PPIL3: variants seen among roughly 807,000 people sequenced by gnomAD.
PPIL3 encodes the protein peptidyl-prolyl cis-trans isomerase-like 3.
A neutral mutation model predicts 20.9 loss-of-function variants in PPIL3; 13 were observed. That is an observed-to-expected ratio of 0.62 (90% CI 0.40 to 0.99). The LOEUF (loss-of-function observed/expected upper bound fraction) is 0.99. PPIL3 is among the 50% of genes least tolerant of loss of function. The probability of loss-of-function intolerance (pLI) is 0.00; values close to 1 mark genes in which losing one functional copy is unlikely to be tolerated. For synonymous variants in PPIL3, 71 were observed against 64.4 expected, an observed-to-expected ratio of 1.10 and a Z score of -0.49; for missense variants, 170 against 195.2, an observed-to-expected ratio of 0.87 and a Z score of 0.77.
At chr2:200,884,328 G>C (rs930080409) in intron 3 of PPIL3, among the ~76,000 whole-genome samples, 2 of 152,110 alleles carry the variant, frequency 1.3e-5, no homozygotes, top group African/African-American at 4.8e-5. Flanking sequence ...CTTGGACCTG[G>C]GTGGCGGAGG....
At chr2:200,888,793 T>TGGGAGGCCGCCGTGCA (rs2040078105) in intron 1 of PPIL3, among the ~76,000 whole-genome samples, 163 bp downstream of exon 1, 2 of 152,202 alleles carry the variant, frequency 1.3e-5, no homozygotes, top group African/African-American at 4.8e-5. Context: ...CCCGAAGTGC[T>TGGGAGGCCGCCGTGCA]GGGAGGCCGC....
At chr2:200,876,691 A>T (rs923380295) in intron 6 of PPIL3, among the ~76,000 whole-genome samples, 1 of 151,852 alleles carries the variant, frequency 6.6e-6, no homozygotes, top group African/African-American at 2.4e-5. Context: ...CTAATTTTTT[A>T]AAATATTTTT....
At position 200,886,706 on chromosome 2, in the gene PPIL3, G is replaced by A. The variant is rs10931927; in HGVS notation, c.3+907C>T. The stretch of plus-strand genomic sequence containing the variant: ...CTCCCAAAGTGCCGAGATTACAGGC[G>A]TGAGCCACCGCGCCTGGCCTAGCAG... On this transcript the variant is annotated intron_variant, in intron 2 of 6. Transcript: ENST00000392283. Among the ~76,000 whole-genome samples, 3,049 of 152,296 alleles carry A rather than the reference G, an allele frequency of 0.02. 254 individuals carry two copies. The East Asian group carries it at 0.25, about 13-fold the overall frequency.
intron 6 of PPIL3, among the ~76,000 whole-genome samples, chr2:200,876,565 T>A (rs897165414): frequency 1.3e-5 from 2 of 151,038 alleles, no homozygotes; most frequent in Non-Finnish European, 3.0e-5. Flanking sequence ...TCGCCCAGGC[T>A]GGAGTGCAAT....
intron 6 of PPIL3, among the ~76,000 whole-genome samples, chr2:200,874,921 G>A (rs1165376070): frequency 1.3e-5 from 2 of 152,080 alleles, no homozygotes. Flanking sequence ...TAGAGACGGG[G>A]TTTCACTATG....
intron 1 of PPIL3, chr2:200,888,471 A>C (rs1180802044): frequency 6.3e-6 from 1 of 157,986 alleles, no homozygotes; most frequent in Non-Finnish European, 1.4e-5. Flanking sequence ...TATACTATGA[A>C]CTTTTTTTTT....
At chr2:200,888,222 G>A (rs888707099) in intron 1 of PPIL3, 1 of 151,974 alleles carries the variant, frequency 6.6e-6, no homozygotes, top group Non-Finnish European at 1.5e-5. Flanking sequence ...CCTTCCCTTA[G>A]GGTCCAGGCA....
In PPIL3 at chr2:200,871,207, T is replaced by C. The variant is rs1184614403; in HGVS notation, c.*188A>G. The C allele has an allele frequency of 4.5e-6, 2 of 442,278 alleles. No homozygotes were observed. Among genetic ancestry groups the C allele is most frequent in the Admixed American group, 3.9e-5 (1 of 25,444 alleles). 27.4% of individuals were successfully genotyped at this position (442,278 alleles called of 1,614,324 possible). Reference sequence around the variant, plus strand: ...AAAGAAATATGTTGGATAATCATTATAATAAAGAATATGCTCTAAGAATGG... The same window carrying C: ...AAAGAAATATGTTGGATAATCATTACAATAAAGAATATGCTCTAAGAATGG... On this transcript the variant is annotated 3_prime_UTR_variant, in exon 7 of 7. Transcript: ENST00000392283.
chr2:200,876,358 T>C (rs527959724), intron 6 of PPIL3, among the ~76,000 whole-genome samples: 1 of 151,946 alleles, frequency 6.6e-6, no homozygotes, highest in Non-Finnish European at 1.5e-5. Context: ...TTAATTTGCA[T>C]AACAATATTG....
At chr2:200,888,569 G>A (rs1023892557) in intron 1 of PPIL3, 2 of 195,334 alleles carry the variant, frequency 1.0e-5, no homozygotes, top group African/African-American at 4.7e-5. Flanking sequence ...CCAGGCTGGA[G>A]TGCAGTGCGG....
chr2:200,883,033 A>T (rs915701695), intron 3 of PPIL3, among the ~76,000 whole-genome samples: 1 of 151,280 alleles, frequency 6.6e-6, no homozygotes, highest in Admixed American at 6.6e-5. Context: ...CTCCATCAGC[A>T]TTCTGACAAT....
Position 200,871,136 on chromosome 2 carries a change from T to C in PPIL3, c.*259A>G. 3.6e-6 allele frequency: 1 copy of C among 276,420 alleles called. No homozygotes were observed. Among genetic ancestry groups the C allele is most frequent in the Non-Finnish European group, 6.7e-6 (1 of 148,528 alleles). The allele number at this position is 276,420 out of a possible 1,614,324, so 17.1% of individuals were successfully genotyped here. Reference sequence around the variant, plus strand: ...GAGGCTGAGCATTTAAAAATGAATGTTCATATGTAACAAAAATTAAATGAT... The same window carrying C: ...GAGGCTGAGCATTTAAAAATGAATGCTCATATGTAACAAAAATTAAATGAT... On this transcript the variant is annotated 3_prime_UTR_variant, in exon 7 of 7. Transcript: ENST00000392283.
intron 5 of PPIL3, among the ~76,000 whole-genome samples, chr2:200,880,289 C>T (rs557048132): frequency 6.6e-6 from 1 of 152,150 alleles, no homozygotes; most frequent in East Asian, 1.9e-4. Context: ...AGAAATTACT[C>T]CTAGTCTCAT....
At chr2:200,885,379 AT>A (rs1169909186) in intron 3 of PPIL3, 4 of 339,190 alleles carry the variant, frequency 1.2e-5, no homozygotes, top group Admixed American at 9.5e-5. Context: ...TCAAAAAAAA[AT>A]AATAATAAAT....
chr2:200,881,368 T>C (rs1034481937), intron 5 of PPIL3, 53 bp downstream of exon 5: 25 of 1,386,444 alleles, frequency 1.8e-5, no homozygotes, highest in South Asian at 3.7e-5. Flanking sequence ...TATCAAAGTT[T>C]CCATGCATAA....
intron 4 of PPIL3, chr2:200,881,780 G>A (rs1270409059): frequency 1.4e-5 from 5 of 355,724 alleles, no homozygotes; most frequent in Middle Eastern, 7.8e-4. Context: ...AATCTTCTCT[G>A]TATTGTTCAA....
At chr2:200,886,110 A>T (rs192108552) in intron 2 of PPIL3, among the ~76,000 whole-genome samples, 12 of 152,356 alleles carry the variant, frequency 7.9e-5, no homozygotes, top group Non-Finnish European at 1.8e-4. Context: ...TGTATTATTG[A>T]TGTACATGGC....
rs1008634713 is a variant in PPIL3 at position 200,881,409 on chromosome 2, T to G, written c.240+12A>C. 1.2e-6 allele frequency: 2 copies of G among 1,602,362 alleles called. No individual in the cohort carries two copies. Among genetic ancestry groups the G allele is most frequent in the African/African-American group, 2.7e-5 (2 of 74,552 alleles). The stretch of plus-strand genomic sequence containing the variant: ...GCATGAGAAATAGATTTTTAAAGCA[T>G]TGAGGATTTACCTTAAGATATTCAC... On this transcript the variant is annotated intron_variant, in intron 5 of 6. Transcript: ENST00000392283.
At chr2:200,877,105 A>T (rs2039551886) in intron 5 of PPIL3, 68 bp from the exon 6 acceptor site, 1 of 1,016,630 alleles carries the variant, frequency 9.8e-7, no homozygotes, top group South Asian at 1.3e-5. Flanking sequence ...TATTGAAACA[A>T]GACAGGCACA....
Sources: gnomAD v4.1 joint callset for allele counts (sites outside exome capture counted in the v4.1 genomes callset) on GRCh38, gnomAD v4.1.1 for gene constraint, MANE v1.5 for transcripts, NCBI Gene and HGNC (gene_info 2026-07-23, HGNC 2026-07-21) for gene names.